PAQR5: variants seen among roughly 807,000 people sequenced by gnomAD.
PAQR5 encodes the protein progestin and adipoQ receptor family member 5.
Under a neutral mutation model 34.5 loss-of-function variants are expected in PAQR5, and 20 were observed. The observed-to-expected ratio is 0.58, with a 90% CI of 0.41 to 0.84. The LOEUF (loss-of-function observed/expected upper bound fraction) is 0.84, where lower values mean the gene tolerates loss of function less well. Among genes scored for constraint, PAQR5 ranks in the 40% least tolerant of loss-of-function variants. The pLI is 0.00. For synonymous variants in PAQR5, 131 were observed against 155.6 expected (o/e 0.84, Z 1.18); for missense variants, 378 against 412.7 (o/e 0.92, Z 0.73).
At position 69,301,720 on chromosome 15, in the gene PAQR5, C is replaced by T. The variant is rs140544366; in HGVS notation, c.-277+2664C>T. On this transcript the variant is annotated intron_variant, in intron 1 of 8. Coordinates refer to ENST00000395407, the MANE Select transcript of PAQR5 (RefSeq NM_017705.4). ...TTCTCATGTGTATTAGCCTGGCCTC[C>T]CTGGTTGGCGGTAAGTCCTTTCTCA... Among the ~76,000 whole-genome samples, 9 of 152,138 alleles carry T rather than the reference C, an allele frequency of 5.9e-5. No homozygotes were observed. The East Asian group carries it at 1.4e-3, about 23-fold the overall frequency.
chr15:69,400,592 G>A (rs1014801872), intron 8 of PAQR5, among the ~76,000 whole-genome samples: 10 of 152,066 alleles, frequency 6.6e-5, no homozygotes, highest in African/African-American at 2.2e-4. Context: ...CTTGGGAGGC[G>A]TTGGTTTGAG....
intron 1 of PAQR5, among the ~76,000 whole-genome samples, chr15:69,305,893 T>C (rs1411808031): frequency 6.6e-6 from 1 of 152,154 alleles, no homozygotes; most frequent in African/African-American, 2.4e-5. Flanking sequence ...GGGGAGGGGT[T>C]TGTTGATGAA....
intron 2 of PAQR5, among the ~76,000 whole-genome samples, chr15:69,344,897 A>T (rs1259302242): frequency 6.6e-6 from 1 of 152,154 alleles, no homozygotes; most frequent in Non-Finnish European, 1.5e-5. Flanking sequence ...GGAGTTAGAG[A>T]CCAGTCTGGT....
chr15:69,402,892 C>A (rs1567046456), intron 8 of PAQR5, among the ~76,000 whole-genome samples: 1 of 152,252 alleles, frequency 6.6e-6, no homozygotes, highest in Non-Finnish European at 1.5e-5. Flanking sequence ...ACGTCCCTGT[C>A]CCTGTCACTC....
chr15:69,395,450 T>A (rs1363298549), intron 6 of PAQR5, among the ~76,000 whole-genome samples: 1 of 152,210 alleles, frequency 6.6e-6, no homozygotes, highest in African/African-American at 2.4e-5. Flanking sequence ...CCAACATAGA[T>A]ACAAGGTGGG....
chr15:69,314,927 G>C (rs896233129), intron 1 of PAQR5: 2 of 154,428 alleles, frequency 1.3e-5, no homozygotes, highest in Non-Finnish European at 2.9e-5. Context: ...ATGTGCCTGG[G>C]CTGTGTCTGA....
At chr15:69,344,610 G>A (rs1011369688) in intron 2 of PAQR5, among the ~76,000 whole-genome samples, 1 of 152,206 alleles carries the variant, frequency 6.6e-6, no homozygotes, top group Admixed American at 6.5e-5. Context: ...CATAATAATA[G>A]CAAATGAGTA....
chr15:69,389,002 G>T (rs188199213), intron 5 of PAQR5, among the ~76,000 whole-genome samples: 1 of 152,190 alleles, frequency 6.6e-6, no homozygotes, highest in African/African-American at 2.4e-5. Flanking sequence ...CAAAAAGGTC[G>T]CTAGAAGGTC....
At chr15:69,387,748 C>T (rs1272848590) in intron 5 of PAQR5, among the ~76,000 whole-genome samples, 4 of 152,224 alleles carry the variant, frequency 2.6e-5, no homozygotes, top group Non-Finnish European at 5.9e-5. Flanking sequence ...GCCTCACTGT[C>T]TGTCTGTGTA....
intron 1 of PAQR5, among the ~76,000 whole-genome samples, chr15:69,336,011 C>A (rs993291055): frequency 6.6e-6 from 1 of 151,854 alleles, no homozygotes; most frequent in African/African-American, 2.4e-5. Flanking sequence ...TTGTTTTCTC[C>A]TTTGGGTAAG....
intron 1 of PAQR5, among the ~76,000 whole-genome samples, chr15:69,322,740 GA>G (rs2054135221): frequency 5.5e-5 from 2 of 36,612 alleles, no homozygotes; most frequent in African/African-American, 1.7e-4. Flanking sequence ...AGAAGAAGAA[GA>G]AGAAGAAGAA....
chr15:69,359,365 G>A (rs1049396329), intron 2 of PAQR5, among the ~76,000 whole-genome samples: 3 of 152,182 alleles, frequency 2.0e-5, no homozygotes, highest in South Asian at 2.1e-4. Context: ...AGACGGAAGC[G>A]GTTTATTTGG....
At chr15:69,372,286 G>A (rs778483146) in intron 3 of PAQR5, among the ~76,000 whole-genome samples, 5 of 152,204 alleles carry the variant, frequency 3.3e-5, no homozygotes, top group South Asian at 2.1e-4. Flanking sequence ...GCTCATGCCT[G>A]TAATCCCAGC....
At chr15:69,322,600 A>T (rs1467419810) in intron 1 of PAQR5, among the ~76,000 whole-genome samples, 1 of 133,954 alleles carries the variant, frequency 7.5e-6, no homozygotes, top group Non-Finnish European at 1.5e-5. Context: ...GGCTGCAGTG[A>T]GCTGTGTTTG....
intron 4 of PAQR5, among the ~76,000 whole-genome samples, chr15:69,381,316 C>G (rs1267956384): frequency 6.6e-6 from 1 of 152,184 alleles, no homozygotes; most frequent in Non-Finnish European, 1.5e-5. Flanking sequence ...CTGTGAGCAT[C>G]CACAGCATCT....
chr15:69,384,916 T>G (rs745315464), intron 5 of PAQR5, 34 bp downstream of exon 5: 3 of 1,553,634 alleles, frequency 1.9e-6, no homozygotes, highest in East Asian at 2.3e-5. Flanking sequence ...TTCCTTCCCC[T>G]GCAACCGGGC....
intron 1 of PAQR5, among the ~76,000 whole-genome samples, chr15:69,318,638 A>G (rs890072811): frequency 2.6e-5 from 4 of 151,966 alleles, no homozygotes; most frequent in Non-Finnish European, 5.9e-5. Flanking sequence ...TTGTCCTGCT[A>G]GTACAGTAGT....
At chr15:69,315,695 A>G (rs34792782) in intron 1 of PAQR5, among the ~76,000 whole-genome samples, 62,161 of 152,066 alleles carry the variant, frequency 0.41, 12,998 homozygotes, top group African/African-American at 0.51. Flanking sequence ...TCTAAACTAC[A>G]GAAGTTATTT....
intron 2 of PAQR5, among the ~76,000 whole-genome samples, chr15:69,340,888 A>G (rs2054623231): frequency 6.6e-6 from 1 of 152,304 alleles, no homozygotes; most frequent in South Asian, 2.1e-4. Context: ...GATGTGTATA[A>G]TATGTATTTT....
Sources: allele counts gnomAD v4.1 joint callset (sites outside exome capture counted in the v4.1 genomes callset), GRCh38; gene constraint gnomAD v4.1.1; transcripts MANE v1.5; gene names NCBI Gene and HGNC (gene_info 2026-07-23, HGNC 2026-07-21).